The following GCN1 variants were observed in gnomAD, a reference collection of about 807,000 sequenced individuals.
The protein encoded by GCN1 is stalled ribosome sensor GCN1.
Under a neutral mutation model 288.4 loss-of-function variants are expected in GCN1, and 90 were observed. That is an observed-to-expected ratio of 0.31 (90% confidence interval 0.26 to 0.37). The LOEUF is 0.37. Ranked by LOEUF, GCN1 falls within the 10% of genes least tolerant of loss-of-function variation. The pLI, the probability that GCN1 is intolerant of heterozygous loss-of-function variation, is 1.00. For synonymous variants in GCN1, 1,386 were observed against 1,420.2 expected, an observed-to-expected ratio of 0.98 and a Z score of 0.54; for missense variants, 2,586 against 3,419.9, an observed-to-expected ratio of 0.76 and a Z score of 6.08.
At chr12:120,192,459 G>T (rs1335455824) in intron 1 of GCN1, among the ~76,000 whole-genome samples, 1 of 152,218 alleles carries the variant, frequency 6.6e-6, no homozygotes, top group East Asian at 1.9e-4. Flanking sequence ...TGGGTGCAGT[G>T]GCTCACGCCT....
chr12:120,183,661 C>A lies in GCN1; in HGVS notation c.334G>T (p.Ala112Ser). Reference sequence around the variant, plus strand: ...GTCCAGGTCAAGGCCAGCAAGGCGGCAGAGCCACTGCTCTTACTGCAGAGC... The same window carrying A: ...GTCCAGGTCAAGGCCAGCAAGGCGGAAGAGCCACTGCTCTTACTGCAGAGC... ...AGVPSKSSGS[A>S]ALLALTWTCL... The change falls in exon 5 of 58, where the codon GCC (alanine) becomes TCC (serine). Residue 112 changes from alanine to serine, a missense_variant. Transcript: ENST00000300648. 6.2e-7 allele frequency: 1 copy of A among 1,610,414 alleles called. No homozygotes were observed. Among genetic ancestry groups the A allele is most frequent in the Non-Finnish European group, 8.5e-7 (1 of 1,176,742 alleles).
chr12:120,151,114 G>A, intron 34 of GCN1, 31 bp downstream of exon 34: 1 of 1,604,006 alleles, frequency 6.2e-7, no homozygotes, highest in South Asian at 1.1e-5. Context: ...AACTTCCCAT[G>A]CTGGGCAGCC....
Position 120,158,113 on chromosome 12 carries a change from G to T in GCN1, c.2906-83C>A. On this transcript the variant is annotated intron_variant, in intron 25 of 57. Transcript: ENST00000300648. The surrounding 1 kb of genome is among the most constrained non-coding windows in gnomAD (Gnocchi z 4.3). ...CTGCCTATTTCTATCCTCAGGGAAAGTAGGGAACGGATGGACCAGAGGCCC... is the reference window on the plus strand; with the variant it reads ...CTGCCTATTTCTATCCTCAGGGAAATTAGGGAACGGATGGACCAGAGGCCC... 1.4e-6 allele frequency: 2 copies of T among 1,392,090 alleles called. No homozygotes were observed. The highest frequency in any genetic ancestry group is 2.0e-6 in the Non-Finnish European group (2 of 1,002,016). 86.2% of individuals were successfully genotyped at this position (1,392,090 alleles called of 1,614,324 possible). A position where few individuals can be genotyped will look rare whatever the true frequency, so the allele number is the denominator to read the frequency against.
At chr12:120,150,071 G>A (rs1290587754) in intron 34 of GCN1, 28 bp from the exon 35 acceptor site, 1 of 1,611,808 alleles carries the variant, frequency 6.2e-7, no homozygotes, top group Admixed American at 1.7e-5. Flanking sequence ...GGGACGGCTG[G>A]GAAGAGAATG....
chr12:120,176,813 C>T (rs996436514), intron 9 of GCN1, among the ~76,000 whole-genome samples: 2 of 152,164 alleles, frequency 1.3e-5, no homozygotes, highest in African/African-American at 4.8e-5. Flanking sequence ...GTCGCCCAGG[C>T]TGGAGTGTAA....
chr12:120,157,877 G>C lies in GCN1; in HGVS notation c.3059C>G (p.Pro1020Arg). Residue 1020 changes from proline to arginine, a missense_variant, in exon 26 of 58, where the codon CCC becomes CGC. Pro to Arg is a moderately radical substitution (Grantham distance 103). Transcript: ENST00000300648. ...LTVQAQLRAS[P>R]NTPPGRVDEN... The stretch of plus-strand genomic sequence containing the variant: ...GTCCACCCGCCCGGGTGGGGTGTTG[G>C]GGGAGGCCCTCAGCTGGGCTTGGAC... The C allele has an allele frequency of 1.9e-6, 3 of 1,613,892 alleles. No homozygotes were observed. The highest frequency in any genetic ancestry group is 2.5e-6 in the Non-Finnish European group (3 of 1,179,988).
Position 120,132,012 on chromosome 12 carries a change from C to T in GCN1, c.7328G>A (p.Arg2443His). 2 of 1,589,052 alleles carry T rather than the reference C, an allele frequency of 1.3e-6. No individual in the cohort carries two copies. Among genetic ancestry groups the T allele is most frequent in the Non-Finnish European group, 8.6e-7 (1 of 1,165,386 alleles). ...SMLGHDEDNT[R>H]ISSAGCLGEL... ...CCCTAGGCACCCGGCTGAGGAGATG[C>T]GAGTGTTGTCCTGACAGGGAAGAGA... Residue 2443 changes from arginine to histidine, a missense_variant, in exon 54 of 58, where the codon CGC becomes CAC. By Grantham distance (29) the Arg-to-His change is conservative. Coordinates refer to ENST00000300648, the MANE Select transcript of GCN1 (RefSeq NM_006836.2).
At chr12:120,181,743 G>A (rs549983667) in intron 5 of GCN1, among the ~76,000 whole-genome samples, 1 of 151,260 alleles carries the variant, frequency 6.6e-6, no homozygotes, top group East Asian at 1.9e-4. Context: ...GGAGGCTGAG[G>A]CAGGAGAATC....
At chr12:120,188,454 A>AC (rs1186216958) in intron 2 of GCN1, among the ~76,000 whole-genome samples, 1 of 151,032 alleles carries the variant, frequency 6.6e-6, no homozygotes, top group Non-Finnish European at 1.5e-5. Context: ...AAAAAAAAAA[A>AC]AAAACCTCTC....
chr12:120,139,970 G>A (rs770201216), intron 45 of GCN1, among the ~76,000 whole-genome samples: 1 of 152,204 alleles, frequency 6.6e-6, no homozygotes. Context: ...TTGGCATGTG[G>A]GCCTTGCCAT....
chr12:120,174,368 C>T (rs1348885265), intron 12 of GCN1, among the ~76,000 whole-genome samples, 199 bp from the exon 13 acceptor site: 1 of 152,194 alleles, frequency 6.6e-6, no homozygotes, highest in Non-Finnish European at 1.5e-5. Flanking sequence ...AAGCCTCCTG[C>T]TAGACCTGAA....
In GCN1 at chr12:120,183,683, G is replaced by A. The variant is rs748743129; in HGVS notation, c.318-6C>T. 1 of 1,569,902 alleles carries A rather than the reference G, an allele frequency of 6.4e-7. No homozygotes were observed. The highest frequency in any genetic ancestry group is 8.8e-7 in the Non-Finnish European group (1 of 1,140,014). On this transcript the variant is annotated splice_polypyrimidine_tract_variant and splice_region_variant and intron_variant, in intron 4 of 57. Coordinates refer to ENST00000300648, the MANE Select transcript of GCN1 (RefSeq NM_006836.2). Reference sequence around the variant, plus strand: ...CGGCAGAGCCACTGCTCTTACTGCAGAGCAGAGTTGGGGATGAGTTCAGAG... The same window carrying A: ...CGGCAGAGCCACTGCTCTTACTGCAAAGCAGAGTTGGGGATGAGTTCAGAG...
chr12:120,136,934 G>C (rs1877023715), intron 50 of GCN1, among the ~76,000 whole-genome samples: 1 of 152,190 alleles, frequency 6.6e-6, no homozygotes, highest in African/African-American at 2.4e-5. Context: ...GGCCCCAACA[G>C]GCCTATCACA....
chr12:120,161,651 C>G (rs933068212), intron 21 of GCN1, 68 bp from the exon 22 acceptor site: 15 of 1,158,304 alleles, frequency 1.3e-5, no homozygotes, highest in Non-Finnish European at 1.9e-5. Flanking sequence ...CTCCCGCCAG[C>G]CATGCAATTC....
rs1360410741 is a variant in GCN1 at position 120,153,852 on chromosome 12, C to T, written c.3759G>A (p.Val1253=). The change falls in exon 32 of 58, where the codon GTG becomes GTA. Residue 1253 remains valine (V), a synonymous_variant. Coordinates refer to ENST00000300648, the MANE Select transcript of GCN1 (RefSeq NM_006836.2). This position sits in a 1 kb window ranked among gnomAD's most constrained non-coding sequence, Gnocchi z 4.4. ...GGACAAAAAACTGAAAGAGTGGCTT[C>T]ACCTGAGAGCTGTCCAAATACTGGG... ...KLSQYLDSSQ[V]KPLFQFFVPD... is the part of the protein sequence containing the mutation. 3.7e-6 allele frequency: 6 copies of T among 1,614,108 alleles called. No homozygotes were observed. Among genetic ancestry groups the T allele is most frequent in the South Asian group, 1.1e-5 (1 of 91,082 alleles).
chr12:120,134,344 C>A lies in GCN1; in HGVS notation c.7264G>T (p.Val2422Phe). The change falls in exon 53 of 58, where the codon GTC (valine) becomes TTC (phenylalanine). Residue 2422 changes from valine to phenylalanine, a missense_variant. By Grantham distance (50) the Val-to-Phe change is conservative. Around this residue, in one of 8 missense-constraint regions of GCN1, gnomAD observed 355 missense variants for 431.1 expected, o/e 0.82. Coordinates refer to ENST00000300648, the MANE Select transcript of GCN1 (RefSeq NM_006836.2). The surrounding 1 kb of genome is among the most constrained non-coding windows in gnomAD (Gnocchi z 5.0). The part of the protein sequence containing the change: ...IQGAGAKVDA[V>F]IRKNIVSLLL... ...AGTGAGACGATGTTTTTCCGGATGACGGCATCCACTTTGGCCCCTGCTCCC... is the reference window on the plus strand; with the variant it reads ...AGTGAGACGATGTTTTTCCGGATGAAGGCATCCACTTTGGCCCCTGCTCCC... The A allele has an allele frequency of 6.2e-7, 1 of 1,614,058 alleles. No individual in the cohort carries two copies. Among genetic ancestry groups the A allele is most frequent in the Non-Finnish European group, 8.5e-7 (1 of 1,179,950 alleles).
intron 46 of GCN1, 128 bp downstream of exon 46, chr12:120,138,567 T>C (rs927537426): frequency 5.9e-5 from 63 of 1,076,016 alleles, no homozygotes; most frequent in Non-Finnish European, 8.7e-5. Flanking sequence ...AAGTCTGATC[T>C]TGCTATACCC....
chr12:120,152,386 C>CGT (rs1877586308), intron 33 of GCN1, among the ~76,000 whole-genome samples: 1 of 117,328 alleles, frequency 8.5e-6, no homozygotes, highest in Non-Finnish European at 1.6e-5. Flanking sequence ...CACACACACA[C>CGT]GCGCACACAC....
rs1197743670 is a variant in GCN1 at position 120,194,698 on chromosome 12, C to G, written c.-1G>C. On this transcript the variant is annotated 5_prime_UTR_variant, in exon 1 of 58. Transcript: ENST00000300648. Reference sequence around the variant, plus strand: ...GCCTCACCTGCGTGTCCGCCGCCATCCTGCCGGGGCTGACTCCGGAACCGC... The same window carrying G: ...GCCTCACCTGCGTGTCCGCCGCCATGCTGCCGGGGCTGACTCCGGAACCGC... 10 of 1,510,838 alleles carry G rather than the reference C, an allele frequency of 6.6e-6. No homozygotes were observed. Among genetic ancestry groups the G allele is most frequent in the Non-Finnish European group, 8.8e-6 (10 of 1,136,556 alleles). The allele number at this position is 1,510,838 out of a possible 1,614,324, so 93.6% of individuals were successfully genotyped here.
Sources: allele counts gnomAD v4.1 joint callset (sites outside exome capture counted in the v4.1 genomes callset), GRCh38; gene constraint gnomAD v4.1.1; regional missense constraint gnomAD v4.1.1; non-coding constraint Gnocchi (gnomAD v3.1); transcripts MANE v1.5; gene names NCBI Gene and HGNC (gene_info 2026-07-23, HGNC 2026-07-21).